Variants in CLCC1 observed in about 807,000 individuals in gnomAD.
CLCC1 encodes chloride channel CLIC-like protein 1.
In CLCC1, 39 loss-of-function variants were observed where a neutral mutation model predicts 63.3. The observed-to-expected ratio is 0.62, with a 90% CI of 0.48 to 0.81. The LOEUF (loss-of-function observed/expected upper bound fraction) is 0.81, where lower values mean the gene tolerates loss of function less well. Ranked by LOEUF, CLCC1 falls within the 30% of genes least tolerant of loss-of-function variation. The pLI is 0.00. For missense variants in CLCC1, 549 were observed against 669.4 expected, an observed-to-expected ratio of 0.82 and a Z score of 1.98; for synonymous variants, 217 against 239.8, an observed-to-expected ratio of 0.90 and a Z score of 0.88.
intron 2 of CLCC1, among the ~76,000 whole-genome samples, chr1:108,957,175 C>G (rs1054144618): frequency 2.6e-5 from 4 of 151,472 alleles, no homozygotes; most frequent in Non-Finnish European, 5.9e-5. Context: ...TGTAGGTAGA[C>G]CCTACTACAT....
rs1021909353 is a variant in CLCC1 at position 108,940,427 on chromosome 1, C to T, written c.797-285G>A. On this transcript the variant is annotated intron_variant, in intron 8 of 12. Coordinates refer to ENST00000369969, the MANE Select transcript of CLCC1 (RefSeq NM_001377458.1). The stretch of plus-strand genomic sequence containing the variant: ...TAAACACTTTAAAAGCAATGCTTCA[C>T]AAACACAAATGAGTACAGGTAAAAT... 2.0e-5 allele frequency among the ~76,000 whole-genome samples: 3 copies of T among 152,138 alleles called. No homozygotes were observed. The East Asian group carries it at 5.8e-4, about 29-fold the overall frequency.
rs1391300372 is a variant in CLCC1, at chr1:108,937,290, A to G, written c.1170T>C (p.Asp390=). The change falls in exon 11 of 13, where the codon GAT becomes GAC. Residue 390 remains aspartate, a synonymous_variant. Transcript: ENST00000369969. ...GGAAATCGGCATCACCTGCTCCACC[A>G]TCAGGTCTATAATCAATTTCCTCCT... ...RRQEEIDYRP[D]GGAGDADFHY... 2.5e-6 allele frequency: 4 copies of G among 1,614,070 alleles called. No homozygotes were observed. Among genetic ancestry groups the G allele is most frequent in the South Asian group, 1.1e-5 (1 of 91,082 alleles).
rs1427230122 is a variant in CLCC1 at position 108,929,630 on chromosome 1, TGA to T, written c.*2915_*2916del. On this transcript the variant is annotated 3_prime_UTR_variant, in exon 13 of 13. Transcript: ENST00000369969. ...TACAACTGCGTTTTCTTGTTGTGAC[TGA>T]GAGATTTAACATAGCTTGGTGCTTT... The T allele has an allele frequency of 2.8e-6, 4 of 1,427,442 alleles. No individual in the cohort carries two copies. Among genetic ancestry groups the T allele is most frequent in the Non-Finnish European group, 4.0e-6 (4 of 1,012,100 alleles). The allele number at this position is 1,427,442 out of a possible 1,614,324, so 88.4% of individuals were successfully genotyped here. A position where few individuals can be genotyped will look rare whatever the true frequency, so the allele number is the denominator to read the frequency against.
At chr1:108,952,463 G>A (rs1479156877) in intron 2 of CLCC1, among the ~76,000 whole-genome samples, 4 of 152,042 alleles carry the variant, frequency 2.6e-5, no homozygotes, top group South Asian at 2.1e-4. Context: ...GAGCCACAGC[G>A]CTTGGCCCCC....
intron 7 of CLCC1, among the ~76,000 whole-genome samples, 163 bp from the exon 8 acceptor site, chr1:108,941,661 CTTT>C (rs1375042558): frequency 6.6e-6 from 1 of 151,978 alleles, no homozygotes; most frequent in African/African-American, 2.4e-5. Context: ...TATTTTTTCT[CTTT>C]TTTTCCTGAG....
Position 108,931,451 on chromosome 1 carries a change from C to CTTGT in CLCC1, c.*1092_*1095dup. 3 of 1,550,858 alleles carry CTTGT rather than the reference C, an allele frequency of 1.9e-6. No homozygotes were observed. The highest frequency in any genetic ancestry group is 2.4e-5 in the East Asian group (1 of 40,908). On this transcript the variant is annotated 3_prime_UTR_variant, in exon 13 of 13. Coordinates refer to ENST00000369969, the MANE Select transcript of CLCC1 (RefSeq NM_001377458.1). ...GCCCACGCTTGGAACAAGTTGCCAA[C>CTTGT]TTGTTTCACTCTGCTTGCTTCAGAC...
rs569454815 is a variant in CLCC1 at position 108,954,717 on chromosome 1, T to C, written c.-11-4269A>G. ...GCAACAAAAATGGTGATGTTAATTT[T>C]AAAAAGAAATTCATAATGAGAATAT... On this transcript the variant is annotated intron_variant, in intron 2 of 12. Transcript: ENST00000369969. 4.6e-5 allele frequency among the ~76,000 whole-genome samples: 7 copies of C among 151,350 alleles called. No homozygotes were observed. In the South Asian group the frequency reaches 1.5e-3, roughly 31 times the overall value.
intron 2 of CLCC1, among the ~76,000 whole-genome samples, chr1:108,958,231 T>C (rs961867123): frequency 5.3e-5 from 8 of 151,530 alleles, no homozygotes; most frequent in Non-Finnish European, 1.0e-4. Context: ...ACGGTTTTGC[T>C]TTCTGAGGTT....
In CLCC1 at chr1:108,930,780, T is replaced by C. The variant is rs1651815216; in HGVS notation, c.*1767A>G. On this transcript the variant is annotated 3_prime_UTR_variant, in exon 13 of 13. Coordinates refer to ENST00000369969, the MANE Select transcript of CLCC1 (RefSeq NM_001377458.1). The stretch of plus-strand genomic sequence containing the variant: ...GGCATGCGCCTGTAGTTTCAGCTAC[T>C]TGGGAGGCTGAGGCAGGAGAATCAC... The C allele has an allele frequency of 6.5e-6, 1 of 152,928 alleles. No individual in the cohort carries two copies. The highest frequency in any genetic ancestry group is 2.4e-5 in the African/African-American group (1 of 41,426). 9.5% of individuals were successfully genotyped at this position (152,928 alleles called of 1,614,324 possible).
chr1:108,940,096 T>C lies in CLCC1; in HGVS notation c.843A>G (p.Lys281=), dbSNP rs1466927611. The C allele has an allele frequency of 1.2e-6, 2 of 1,613,532 alleles. No individual in the cohort carries two copies. The highest frequency in any genetic ancestry group is 4.5e-5 in the East Asian group (2 of 44,850). ...SWTYKDDPCQ[K]YYELLLVNPI... is the part of the protein sequence containing the mutation. Reference sequence around the variant, plus strand: ...GGTTGACTAGTAAGAGCTCATAGTATTTTTGGCATGGGTCATCCTTATAGG... The same window carrying C: ...GGTTGACTAGTAAGAGCTCATAGTACTTTTGGCATGGGTCATCCTTATAGG... The change falls in exon 9 of 13, where the codon AAA becomes AAG. Residue 281 remains lysine, a synonymous_variant. Coordinates refer to ENST00000369969, the MANE Select transcript of CLCC1 (RefSeq NM_001377458.1).
At chr1:108,952,470 C>A (rs968043464) in intron 2 of CLCC1, among the ~76,000 whole-genome samples, 5 of 152,094 alleles carry the variant, frequency 3.3e-5, no homozygotes, top group African/African-American at 9.7e-5. Flanking sequence ...AGCGCTTGGC[C>A]CCCCCTGTTT....
In CLCC1 at chr1:108,930,475, G is replaced by C. The variant is rs1651750997; in HGVS notation, c.*2072C>G. ...CAGTATAAAAGAAACTCTACTTCTT[G>C]GGCTGGGCATGGTGGCTCATTCCTG... On this transcript the variant is annotated 3_prime_UTR_variant, in exon 13 of 13. Transcript: ENST00000369969. 1 of 153,128 alleles carries C rather than the reference G, an allele frequency of 6.5e-6. No individual in the cohort carries two copies. The highest frequency in any genetic ancestry group is 1.4e-5 in the Non-Finnish European group (1 of 68,974). 9.5% of individuals were successfully genotyped at this position (153,128 alleles called of 1,614,324 possible).
chr1:108,939,281 T>C (rs1347446213), intron 10 of CLCC1, among the ~76,000 whole-genome samples: 2 of 145,996 alleles, frequency 1.4e-5, no homozygotes, highest in Admixed American at 6.9e-5. Flanking sequence ...TATATATAGA[T>C]AGATATATAA....
At chr1:108,939,239 TATATAA>T (rs888506624) in intron 10 of CLCC1, among the ~76,000 whole-genome samples, 5 of 145,736 alleles carry the variant, frequency 3.4e-5, no homozygotes, top group South Asian at 4.2e-4. Flanking sequence ...ATATAATAAA[TATATAA>T]ATATAGACAG....
chr1:108,940,728 T>C (rs1653736321), intron 8 of CLCC1, among the ~76,000 whole-genome samples: 1 of 152,258 alleles, frequency 6.6e-6, no homozygotes, highest in African/African-American at 2.4e-5. Flanking sequence ...TAGCCTGAGC[T>C]AGAGGAGGCA....
chr1:108,962,681 C>G (rs1243178750), intron 1 of CLCC1, among the ~76,000 whole-genome samples: 1 of 152,058 alleles, frequency 6.6e-6, no homozygotes, highest in African/African-American at 2.4e-5. Flanking sequence ...CAAGCCTGGA[C>G]AACACAGGGA....
chr1:108,957,441 C>T (rs1656060220), intron 2 of CLCC1, among the ~76,000 whole-genome samples: 1 of 151,418 alleles, frequency 6.6e-6, no homozygotes, highest in East Asian at 1.9e-4. Flanking sequence ...GGCACCTGGG[C>T]CCCTAAATGA....
intron 2 of CLCC1, among the ~76,000 whole-genome samples, chr1:108,959,012 A>G (rs896998481): frequency 2.1e-5 from 3 of 146,000 alleles, no homozygotes; most frequent in African/African-American, 8.4e-5. Flanking sequence ...CATCTCTACA[A>G]AAAAATACAA....
Position 108,931,590 on chromosome 1 carries a change from G to T in CLCC1, c.*957C>A. ...TTCTCTAATGGCCAATGTTTTTTAA[G>T]AGTCATAACCTGGAATTAATTACAT... On this transcript the variant is annotated 3_prime_UTR_variant, in exon 13 of 13. Coordinates refer to ENST00000369969, the MANE Select transcript of CLCC1 (RefSeq NM_001377458.1). 2.3e-6 allele frequency: 3 copies of T among 1,316,406 alleles called. No individual in the cohort carries two copies. Among genetic ancestry groups the T allele is most frequent in the Non-Finnish European group, 3.0e-6 (3 of 1,008,038 alleles). The allele number at this position is 1,316,406 out of a possible 1,614,324, so 81.5% of individuals were successfully genotyped here.
Sources: gnomAD v4.1 joint callset for allele counts (sites outside exome capture counted in the v4.1 genomes callset) on GRCh38, gnomAD v4.1.1 for gene constraint, MANE v1.5 for transcripts, NCBI Gene and HGNC (gene_info 2026-07-23, HGNC 2026-07-21) for gene names.